Variants in GPC5 observed in about 807,000 individuals in gnomAD.
GPC5 encodes glypican-5.
A neutral mutation model predicts 53.9 loss-of-function variants in GPC5; 47 were observed. The ratio of observed to expected loss-of-function variants is 0.87; its 90% CI spans 0.69 to 1.11. The LOEUF (loss-of-function observed/expected upper bound fraction) is 1.11, where lower values mean the gene tolerates loss of function less well. GPC5 is among the 50% of genes most tolerant of loss of function. The pLI is 0.00. For missense variants in GPC5, 748 were observed against 713.1 expected (o/e 1.05, Z -0.56); for synonymous variants, 286 against 263.3 (o/e 1.09, Z -0.84).
At chr13:91,442,930 C>T (rs1275989234) in intron 1 of GPC5, among the ~76,000 whole-genome samples, 1 of 152,148 alleles carries the variant, frequency 6.6e-6, no homozygotes, top group South Asian at 2.1e-4. Context: ...TGGTACAGTT[C>T]ATATCCAAAA....
intron 5 of GPC5, among the ~76,000 whole-genome samples, chr13:91,802,341 T>C (rs550627247): frequency 3.6e-4 from 55 of 152,240 alleles, no homozygotes; most frequent in African/African-American, 1.3e-3. Flanking sequence ...TCAGAGTTGT[T>C]TGTTCCTCCC....
chr13:91,806,932 G>T (rs920328717), intron 5 of GPC5, among the ~76,000 whole-genome samples: 1 of 152,020 alleles, frequency 6.6e-6, no homozygotes, highest in African/African-American at 2.4e-5. Flanking sequence ...ATATATTTTT[G>T]GAACCATTTT....
chr13:92,285,757 C>G (rs999506481), intron 7 of GPC5, among the ~76,000 whole-genome samples: 47 of 152,302 alleles, frequency 3.1e-4, no homozygotes, highest in African/African-American at 1.0e-3. Flanking sequence ...GGATTAAAGA[C>G]TTAAATGTTA....
At chr13:92,620,081 G>A (rs905860432) in intron 7 of GPC5, among the ~76,000 whole-genome samples, 2 of 151,998 alleles carry the variant, frequency 1.3e-5, no homozygotes, top group African/African-American at 4.8e-5. Flanking sequence ...TTTAGAGGAT[G>A]AACAATGATC....
chr13:91,660,814 A>T (rs1415633193), intron 2 of GPC5, among the ~76,000 whole-genome samples: 1 of 152,094 alleles, frequency 6.6e-6, no homozygotes, highest in Non-Finnish European at 1.5e-5. Flanking sequence ...ACTCCTTCTT[A>T]AACCTTCTCC....
chr13:91,828,034 CAT>C (rs1466701664), intron 5 of GPC5, among the ~76,000 whole-genome samples: 1 of 151,996 alleles, frequency 6.6e-6, no homozygotes, highest in African/African-American at 2.4e-5. Context: ...GATGCAACAA[CAT>C]GGCTGAATAG....
intron 7 of GPC5, among the ~76,000 whole-genome samples, chr13:92,299,127 TAA>T (rs2043058500): frequency 6.6e-6 from 1 of 152,132 alleles, no homozygotes; most frequent in Non-Finnish European, 1.5e-5. Context: ...GAAATGGAAA[TAA>T]AAGTTTGAAA....
rs79902147 is a variant in GPC5 at position 92,263,664 on chromosome 13, T to C, written c.1561+118675T>C. Among the ~76,000 whole-genome samples the C allele has an allele frequency of 5.2e-3, 788 of 152,284 alleles. 5 individuals are homozygous for C. Among genetic ancestry groups the C allele is most frequent in the African/African-American group, 0.018 (748 of 41,562 alleles). ...TGTGTTATACTGACAAAGGTATTTA[T>C]TATTCCCATTTATAAATGGGGACAA... On this transcript the variant is annotated intron_variant, in intron 7 of 7. Coordinates refer to ENST00000377067, the MANE Select transcript of GPC5 (RefSeq NM_004466.6).
intron 7 of GPC5, among the ~76,000 whole-genome samples, chr13:92,793,197 A>G (rs996811460): frequency 2.0e-5 from 3 of 152,210 alleles, no homozygotes; most frequent in African/African-American, 7.2e-5. Flanking sequence ...CTCAGACCAC[A>G]GTGCAATCAA....
chr13:92,154,283 C>A (rs2041927759), intron 7 of GPC5, among the ~76,000 whole-genome samples: 1 of 152,126 alleles, frequency 6.6e-6, no homozygotes, highest in Non-Finnish European at 1.5e-5. Context: ...TCCCACCAGG[C>A]CCCAGCTCCA....
intron 7 of GPC5, among the ~76,000 whole-genome samples, chr13:92,823,206 G>A (rs928283863): frequency 6.6e-6 from 1 of 152,074 alleles, no homozygotes; most frequent in Non-Finnish European, 1.5e-5. Context: ...GGTGAACCAG[G>A]TGCATAGGAA....
intron 7 of GPC5, among the ~76,000 whole-genome samples, chr13:92,465,606 G>A (rs562366033): frequency 2.0e-4 from 30 of 151,740 alleles, no homozygotes; most frequent in South Asian, 8.3e-4. Flanking sequence ...TTTTTAATCC[G>A]AGGTGGATGG....
intron 7 of GPC5, among the ~76,000 whole-genome samples, chr13:92,214,334 A>G (rs1042894766): frequency 6.6e-6 from 1 of 152,248 alleles, no homozygotes; most frequent in Non-Finnish European, 1.5e-5. Context: ...AAAACACTAT[A>G]GAAGACCAGT....
chr13:91,425,083 A>C (rs1174093362), intron 1 of GPC5, among the ~76,000 whole-genome samples: 1 of 152,188 alleles, frequency 6.6e-6, no homozygotes. Flanking sequence ...TTTATTTTTC[A>C]TTTAAAATGG....
At chr13:92,566,611 T>C (rs1214764358) in intron 7 of GPC5, among the ~76,000 whole-genome samples, 6 of 152,006 alleles carry the variant, frequency 3.9e-5, no homozygotes, top group Non-Finnish European at 7.4e-5. Context: ...CATTTTAGCT[T>C]TTTCTTGATT....
chr13:91,611,046 A>G (rs2033532034), intron 2 of GPC5, among the ~76,000 whole-genome samples: 1 of 152,210 alleles, frequency 6.6e-6, no homozygotes, highest in Admixed American at 6.5e-5. Context: ...GGGAGTCTGG[A>G]TCCCACTGGG....
chr13:91,541,391 G>T (rs886331824), intron 2 of GPC5, among the ~76,000 whole-genome samples: 1 of 151,998 alleles, frequency 6.6e-6, no homozygotes, highest in Non-Finnish European at 1.5e-5. Flanking sequence ...CCTCTCTTCT[G>T]CACGGACTTG....
At chr13:91,607,244 A>G (rs1321730007) in intron 2 of GPC5, among the ~76,000 whole-genome samples, 3 of 152,162 alleles carry the variant, frequency 2.0e-5, no homozygotes, top group African/African-American at 7.2e-5. Flanking sequence ...ATTTTGACAA[A>G]TGTTGGCTCT....
At chr13:92,246,428 C>G (rs1250620560) in intron 7 of GPC5, among the ~76,000 whole-genome samples, 1 of 152,104 alleles carries the variant, frequency 6.6e-6, no homozygotes, top group Non-Finnish European at 1.5e-5. Flanking sequence ...AGAATCTTAG[C>G]TGTTTGTCCT....
Sources: gnomAD v4.1 joint callset for allele counts (sites outside exome capture counted in the v4.1 genomes callset) on GRCh38, gnomAD v4.1.1 for gene constraint, MANE v1.5 for transcripts, NCBI Gene and HGNC (gene_info 2026-07-23, HGNC 2026-07-21) for gene names.